GALNT2: variants seen among roughly 807,000 people sequenced by gnomAD.
GALNT2 encodes the protein polypeptide N-acetylgalactosaminyltransferase 2.
A neutral mutation model predicts 81.4 loss-of-function variants in GALNT2; 31 were observed. That is an observed-to-expected ratio of 0.38 (90% confidence interval 0.29 to 0.51). The LOEUF is 0.51. Ranked by LOEUF, GALNT2 falls within the 20% of genes least tolerant of loss-of-function variation. The pLI is 0.87. For missense variants in GALNT2, 629 were observed against 765.7 expected (o/e 0.82, Z 2.11); for synonymous variants, 303 against 287.4 (o/e 1.05, Z -0.55).
chr1:230,084,088 G>T (rs1438063163), intron 1 of GALNT2, among the ~76,000 whole-genome samples: 1 of 152,200 alleles, frequency 6.6e-6, no homozygotes, highest in African/African-American at 2.4e-5. Flanking sequence ...TTTGCCTGGA[G>T]CCTCTGTGTA....
intron 1 of GALNT2, among the ~76,000 whole-genome samples, chr1:230,166,694 C>G (rs1662615471): frequency 6.6e-6 from 1 of 152,186 alleles, no homozygotes; most frequent in South Asian, 2.1e-4. Flanking sequence ...CCTCTCCTTT[C>G]CCCCAACTTC....
chr1:230,072,945 C>T (rs1659421407), intron 1 of GALNT2, among the ~76,000 whole-genome samples: 1 of 152,228 alleles, frequency 6.6e-6, no homozygotes, highest in South Asian at 2.1e-4. Flanking sequence ...TGGGAACAAT[C>T]CCTTTTCCCT....
Position 230,067,287 on chromosome 1 carries a change from C to A in GALNT2, c.7C>A (p.Arg3=). ...CGGCGGCCGAGTTGGGAGAATGCGG[C>A]GGCGCTCGCGGATGCTGCTCTGCTT... MR[R]RSRMLLCFAF... Residue 3 remains arginine (R), a synonymous_variant, in exon 1 of 16, where the codon CGG becomes AGG. Transcript: ENST00000366672. The A allele has an allele frequency of 7.4e-7, 1 of 1,354,270 alleles. No homozygotes were observed. The highest frequency in any genetic ancestry group is 1.7e-5 in the South Asian group (1 of 60,114). The allele number at this position is 1,354,270 out of a possible 1,614,324, so 83.9% of individuals were successfully genotyped here. A position where few individuals can be genotyped will look rare whatever the true frequency, so the allele number is the denominator to read the frequency against.
chr1:230,073,360 C>A (rs1659433065), intron 1 of GALNT2, among the ~76,000 whole-genome samples: 1 of 152,194 alleles, frequency 6.6e-6, no homozygotes, highest in African/African-American at 2.4e-5. Flanking sequence ...CTATTGTAAA[C>A]CATGGAAATA....
chr1:230,148,862 C>T (rs1255690188), intron 1 of GALNT2, among the ~76,000 whole-genome samples: 2 of 151,748 alleles, frequency 1.3e-5, no homozygotes, highest in East Asian at 1.9e-4. Context: ...GTTGGGATTA[C>T]AGGCATAAGC....
At chr1:230,139,030 G>A (rs916146815) in intron 1 of GALNT2, among the ~76,000 whole-genome samples, 9 of 152,110 alleles carry the variant, frequency 5.9e-5, no homozygotes, top group African/African-American at 2.2e-4. Context: ...TATTCAAGAT[G>A]GAGTCACTCT....
chr1:230,144,182 CA>C (rs1253642336), intron 1 of GALNT2, among the ~76,000 whole-genome samples: 1 of 152,162 alleles, frequency 6.6e-6, no homozygotes. Flanking sequence ...GGCCACATGT[CA>C]AAGAGTTGAC....
At chr1:230,170,330 G>GTC (rs1179395526) in intron 1 of GALNT2, among the ~76,000 whole-genome samples, 1 of 152,228 alleles carries the variant, frequency 6.6e-6, no homozygotes, top group Non-Finnish European at 1.5e-5. Context: ...AATGAAGCCT[G>GTC]TCTCTGGTCT....
rs60775651 is a variant in GALNT2 at position 230,274,596 on chromosome 1, G to A, written c.1560+32G>A. The A allele has an allele frequency of 7.7e-3, 12,425 of 1,612,362 alleles. 652 individuals carry two copies. The African/African-American group carries it at 0.13, about 17-fold the overall frequency. ...CTTGCAGGCACCCGTGGGTGCCCGT[G>A]ATTAACCCAGACCAGGGTAGCCACG... On this transcript the variant is annotated intron_variant, in intron 15 of 15. Coordinates refer to ENST00000366672, the MANE Select transcript of GALNT2 (RefSeq NM_004481.5).
intron 1 of GALNT2, among the ~76,000 whole-genome samples, chr1:230,130,091 TTGAG>T (rs1185170231): frequency 6.6e-6 from 1 of 152,238 alleles, no homozygotes; most frequent in Non-Finnish European, 1.5e-5. Context: ...CTCTGAAGCT[TTGAG>T]TGAGCTGATG....
intron 3 of GALNT2, among the ~76,000 whole-genome samples, chr1:230,233,995 G>A (rs578179672): frequency 2.6e-5 from 4 of 152,264 alleles, no homozygotes; most frequent in Non-Finnish European, 4.4e-5. Context: ...ATGGGAAGGC[G>A]AGGGGCAGAA....
At chr1:230,213,196 G>C (rs1007782878) in intron 3 of GALNT2, among the ~76,000 whole-genome samples, 3 of 152,204 alleles carry the variant, frequency 2.0e-5, no homozygotes, top group Non-Finnish European at 4.4e-5. Flanking sequence ...ATGACCATGA[G>C]GATCGTCTTT....
At chr1:230,144,474 C>T (rs761591527) in intron 1 of GALNT2, among the ~76,000 whole-genome samples, 2 of 152,132 alleles carry the variant, frequency 1.3e-5, no homozygotes, top group African/African-American at 2.4e-5. Context: ...TTGTGTTCCT[C>T]GCTACTGGAA....
intron 1 of GALNT2, among the ~76,000 whole-genome samples, chr1:230,177,926 G>A (rs530714992): frequency 1.3e-5 from 2 of 152,106 alleles, no homozygotes; most frequent in Non-Finnish European, 2.9e-5. Context: ...AATCCCCAAA[G>A]CCCTGGGAGT....
chr1:230,170,477 C>T (rs1662755851), intron 1 of GALNT2, among the ~76,000 whole-genome samples: 1 of 152,174 alleles, frequency 6.6e-6, no homozygotes, highest in Admixed American at 6.5e-5. Flanking sequence ...TTTATAAATG[C>T]ATAGATACCA....
intron 15 of GALNT2, 58 bp downstream of exon 15, chr1:230,274,622 G>A: frequency 6.2e-7 from 1 of 1,605,702 alleles, no homozygotes; most frequent in Admixed American, 1.7e-5. Flanking sequence ...GGTAGCCACG[G>A]CCTGCGCCCT....
At chr1:230,061,105 G>A (rs1217462178) in intron 1 of GALNT2, among the ~76,000 whole-genome samples, 2 of 151,798 alleles carry the variant, frequency 1.3e-5, no homozygotes, top group Non-Finnish European at 2.9e-5. Context: ...ATTGCTACTG[G>A]GATATTATTA....
At position 230,281,795 on chromosome 1, in the gene GALNT2, G is replaced by A. The variant is rs1430642899; in HGVS notation, c.*2337G>A. ...ACACAGTGTGCCAAAGTGACTTACT[G>A]CGGTTGCGTTAGTTTTTAATCATCA... On this transcript the variant is annotated 3_prime_UTR_variant, in exon 16 of 16. Transcript: ENST00000366672. 3.3e-5 allele frequency: 5 copies of A among 152,584 alleles called. No homozygotes were observed. Among genetic ancestry groups the A allele is most frequent in the Non-Finnish European group, 7.3e-5 (5 of 68,044 alleles). The allele number at this position is 152,584 out of a possible 1,614,324, so 9.5% of individuals were successfully genotyped here. A position where few individuals can be genotyped will look rare whatever the true frequency, so the allele number is the denominator to read the frequency against.
intron 1 of GALNT2, among the ~76,000 whole-genome samples, chr1:230,139,710 G>A (rs1353192920): frequency 6.6e-6 from 1 of 152,246 alleles, no homozygotes; most frequent in Non-Finnish European, 1.5e-5. Flanking sequence ...GCAAAGCACT[G>A]CGAGCGTAAT....
Sources: allele counts gnomAD v4.1 joint callset (sites outside exome capture counted in the v4.1 genomes callset), GRCh38; gene constraint gnomAD v4.1.1; transcripts MANE v1.5; gene names NCBI Gene and HGNC (gene_info 2026-07-23, HGNC 2026-07-21).